Variants in NPR3 observed in about 807,000 individuals in gnomAD.
NPR3 encodes atrial natriuretic peptide receptor 3.
Under a neutral mutation model 54.5 loss-of-function variants are expected in NPR3, and 34 were observed. That is an observed-to-expected ratio of 0.62 (90% CI 0.47 to 0.83). The LOEUF is 0.83. Among genes scored for constraint, NPR3 ranks in the 40% least tolerant of loss-of-function variants. NPR3 has a pLI of 0.00. For missense variants in NPR3, 674 were observed against 720.8 expected (o/e 0.94, Z 0.74); for synonymous variants, 289 against 297.1 (o/e 0.97, Z 0.28).
intron 3 of NPR3, among the ~76,000 whole-genome samples, chr5:32,763,181 A>C (rs2102149): frequency 0.21 from 31,362 of 151,828 alleles, 3,340 homozygotes; most frequent in South Asian, 0.27. Flanking sequence ...GTTCTGTTCC[A>C]TTGGTCTATA....
intron 2 of NPR3, among the ~76,000 whole-genome samples, chr5:32,731,046 G>C (rs1350708185): frequency 6.6e-6 from 1 of 152,160 alleles, no homozygotes; most frequent in Non-Finnish European, 1.5e-5. Context: ...TTTCCACAAT[G>C]AGATTGAGTT....
chr5:32,740,764 AG>A (rs1188369410), intron 3 of NPR3, among the ~76,000 whole-genome samples: 1 of 152,194 alleles, frequency 6.6e-6, no homozygotes, highest in Non-Finnish European at 1.5e-5. Flanking sequence ...TTACACTTAC[AG>A]TGTGCAGAGG....
In NPR3 at chr5:32,733,401, T is replaced by C. The variant is rs549147275; in HGVS notation, c.893-5463T>C. On this transcript the variant is annotated intron_variant, in intron 2 of 7. Transcript: ENST00000265074. Reference sequence around the variant, plus strand: ...AAAGAAGATAATATATATTGCCCCATAGAGTTTTTAAAGGCACCGATTGAC... The same window carrying C: ...AAAGAAGATAATATATATTGCCCCACAGAGTTTTTAAAGGCACCGATTGAC... Among the ~76,000 whole-genome samples the C allele has an allele frequency of 4.6e-5, 7 of 152,282 alleles. No individual in the cohort carries two copies. In the South Asian group the frequency reaches 6.2e-4, roughly 14 times the overall value.
chr5:32,711,879 G>A lies in NPR3; in HGVS notation c.103G>A (p.Gly35Ser). 6.8e-7 allele frequency: 1 copy of A among 1,465,718 alleles called. No homozygotes were observed. The highest frequency in any genetic ancestry group is 9.0e-7 in the Non-Finnish European group (1 of 1,111,224). The allele number at this position is 1,465,718 out of a possible 1,614,324, so 90.8% of individuals were successfully genotyped here. A position where few individuals can be genotyped will look rare whatever the true frequency, so the allele number is the denominator to read the frequency against. ...CGGTGGCGTTGGCGGCGGCGGCGGT[G>A]GCGCGGGCATAGGCGGCGGACGCCA... ...GGGGVGGGGGGAGIGGGRQER... is the reference protein window; with the variant it reads ...GGGGVGGGGGSAGIGGGRQER... The change falls in exon 1 of 8, where the codon GGC (glycine) becomes AGC (serine). Residue 35 changes from glycine (G) to serine (S), a missense_variant. Physicochemically the swap from Gly to Ser is moderately conservative, Grantham distance 56 (BLOSUM62 0). Transcript: ENST00000265074.
chr5:32,758,400 A>G (rs553494595), intron 3 of NPR3, among the ~76,000 whole-genome samples: 113 of 152,222 alleles, frequency 7.4e-4, no homozygotes, highest in South Asian at 1.5e-3. Context: ...AGAGGTGTTT[A>G]TAGTATTCTC....
rs1738244510 is a variant in NPR3 at position 32,711,743 on chromosome 5, G to A, written c.-34G>A. Reference sequence around the variant, plus strand: ...TGGGTGGGGGGCAGAGGGCGAGTCGGCGGCGGCGAGGGCAAGCTCTTTCTT... The same window carrying A: ...TGGGTGGGGGGCAGAGGGCGAGTCGACGGCGGCGAGGGCAAGCTCTTTCTT... On this transcript the variant is annotated 5_prime_UTR_variant, in exon 1 of 8. Coordinates refer to ENST00000265074, the MANE Select transcript of NPR3 (RefSeq NM_001204375.2). 9 of 1,411,846 alleles carry A rather than the reference G, an allele frequency of 6.4e-6. No homozygotes were observed. The highest frequency in any genetic ancestry group is 6.8e-5 in the Admixed American group (2 of 29,368). 87.5% of individuals were successfully genotyped at this position (1,411,846 alleles called of 1,614,324 possible).
chr5:32,728,735 T>C (rs1387272595), intron 2 of NPR3, among the ~76,000 whole-genome samples: 1 of 149,874 alleles, frequency 6.7e-6, no homozygotes, highest in Admixed American at 6.7e-5. Flanking sequence ...GCAAAAAATA[T>C]AAGTTGAAAA....
chr5:32,754,090 T>C lies in NPR3; in HGVS notation c.1059+15060T>C, dbSNP rs375557404. ...ACTAACCAAGGACTCTGGTGTTTGA[T>C]GCTGACAGCAGCCACAGTTTTTTAA... On this transcript the variant is annotated intron_variant, in intron 3 of 7. Coordinates refer to ENST00000265074, the MANE Select transcript of NPR3 (RefSeq NM_001204375.2). Among the ~76,000 whole-genome samples the C allele has an allele frequency of 4.6e-5, 7 of 152,330 alleles. No individual in the cohort carries two copies. In the East Asian group the frequency reaches 5.8e-4, roughly 13 times the overall value.
intron 5 of NPR3, among the ~76,000 whole-genome samples, chr5:32,782,495 T>A (rs928281335): frequency 1.3e-5 from 2 of 151,602 alleles, no homozygotes; most frequent in African/African-American, 4.9e-5. Context: ...CACGAGGGGG[T>A]AGTGACTGAA....
chr5:32,769,563 G>C lies in NPR3; in HGVS notation c.1060-5145G>C, dbSNP rs141682150. On this transcript the variant is annotated intron_variant, in intron 3 of 7. Coordinates refer to ENST00000265074, the MANE Select transcript of NPR3 (RefSeq NM_001204375.2). ...GGCATGTCTTTTGCAAGAGAGTCTT[G>C]AGAAATGCTGCCTGGCACCCTTAGT... Among the ~76,000 whole-genome samples the C allele has an allele frequency of 3.9e-5, 6 of 152,340 alleles. No individual in the cohort carries two copies. The East Asian group carries it at 1.2e-3, about 29-fold the overall frequency.
At chr5:32,762,340 C>T (rs1741220405) in intron 3 of NPR3, among the ~76,000 whole-genome samples, 1 of 151,680 alleles carries the variant, frequency 6.6e-6, no homozygotes, top group Non-Finnish European at 1.5e-5. Context: ...AATGGTATTT[C>T]TGGTTCTAGA....
rs1579722300 is a variant in NPR3 at position 32,789,235 on chromosome 5, T to C, written c.*2890T>C. 2 of 315,386 alleles carry C rather than the reference T, an allele frequency of 6.3e-6. No individual in the cohort carries two copies. Among genetic ancestry groups the C allele is most frequent in the East Asian group, 1.5e-4 (2 of 13,190 alleles). 19.5% of individuals were successfully genotyped at this position (315,386 alleles called of 1,614,324 possible). ...CAAAATGCGTAGATGCTTTTTGGTG[T>C]TGGAAATAAGTGTCTGTCTTATGGT... On this transcript the variant is annotated 3_prime_UTR_variant, in exon 8 of 8. Coordinates refer to ENST00000265074, the MANE Select transcript of NPR3 (RefSeq NM_001204375.2).
chr5:32,741,226 T>G (rs556260588), intron 3 of NPR3, among the ~76,000 whole-genome samples: 7 of 152,128 alleles, frequency 4.6e-5, no homozygotes, highest in African/African-American at 1.4e-4. Flanking sequence ...AAGACCAGCT[T>G]GGGCAACATG....
At position 32,694,052 on chromosome 5, in the gene NPR3, G is replaced by A. The variant is rs1236585819; in HGVS notation, c.100+4866G>A. Among the ~76,000 whole-genome samples the A allele has an allele frequency of 3.3e-5, 5 of 152,166 alleles. No homozygotes were observed. In the East Asian group the frequency reaches 9.6e-4, roughly 29 times the overall value. On this transcript the variant is annotated intron_variant, in intron 1 of 5. Coordinates refer to the NPR3 transcript ENST00000509104. ...TCCTTCTAGTTCTCTCCAGCTGGAGGCAGCCTGAGTTTCTGGAGGATACTG... is the reference window on the plus strand; with the variant it reads ...TCCTTCTAGTTCTCTCCAGCTGGAGACAGCCTGAGTTTCTGGAGGATACTG...
intron 4 of NPR3, among the ~76,000 whole-genome samples, chr5:32,776,567 C>T (rs13436551): frequency 0.22 from 33,410 of 152,026 alleles, 3,764 homozygotes; most frequent in South Asian, 0.28. Context: ...TTTCCTCTCA[C>T]CTCACCAACA....
rs999782749 is a variant in NPR3 at position 32,711,867 on chromosome 5, G to A, written c.91G>A (p.Gly31Ser). 8.2e-6 allele frequency: 12 copies of A among 1,463,376 alleles called. No homozygotes were observed. The African/African-American group carries it at 1.7e-4, about 21-fold the overall frequency. The allele number at this position is 1,463,376 out of a possible 1,614,324, so 90.6% of individuals were successfully genotyped here. A position where few individuals can be genotyped will look rare whatever the true frequency, so the allele number is the denominator to read the frequency against. The change falls in exon 1 of 8, where the codon GGC becomes AGC. Residue 31 changes from glycine to serine, a missense_variant. By Grantham distance (56) the Gly-to-Ser change is moderately conservative. Coordinates refer to ENST00000265074, the MANE Select transcript of NPR3 (RefSeq NM_001204375.2). The stretch of plus-strand genomic sequence containing the variant: ...CGGCACCGGTGGCGGTGGCGTTGGC[G>A]GCGGCGGCGGTGGCGCGGGCATAGG... ...AGGTGGGGVG[G>S]GGGGAGIGGG... is the part of the protein sequence containing the mutation.
upstream of NPR3, among the ~76,000 whole-genome samples, chr5:32,708,521 T>C (rs571845276): frequency 6.6e-6 from 1 of 152,292 alleles, no homozygotes; most frequent in South Asian, 2.1e-4. Context: ...CACTTTCACA[T>C]GATGTAACTG....
upstream of NPR3, among the ~76,000 whole-genome samples, chr5:32,707,838 CAT>C (rs904086418): frequency 1.7e-4 from 26 of 152,104 alleles, no homozygotes; most frequent in African/African-American, 6.3e-4. Context: ...CAAAGAATCA[CAT>C]GTTAGTTTTC....
rs1247341675 is a variant in NPR3 at position 32,712,382 on chromosome 5, G to C, written c.606G>C (p.Leu202=). 6 of 1,613,360 alleles carry C rather than the reference G, an allele frequency of 3.7e-6. No individual in the cohort carries two copies. The highest frequency in any genetic ancestry group is 2.5e-6 in the Non-Finnish European group (3 of 1,179,606). ...ACCACCACTGGAGCCGCGCTGCACTGGTCTACAGCGACGACAAGCTGGAGC... is the reference window on the plus strand; with the variant it reads ...ACCACCACTGGAGCCGCGCTGCACTCGTCTACAGCGACGACAAGCTGGAGC... ...FRHHHWSRAA[L]VYSDDKLERN... is the part of the protein sequence containing the mutation. Residue 202 remains leucine, a synonymous_variant, in exon 1 of 8, where the codon CTG becomes CTC. Transcript: ENST00000265074.
Sources: gnomAD v4.1 joint callset for allele counts (sites outside exome capture counted in the v4.1 genomes callset) on GRCh38, gnomAD v4.1.1 for gene constraint, MANE v1.5 for transcripts, NCBI Gene and HGNC (gene_info 2026-07-23, HGNC 2026-07-21) for gene names.